The following ADAMTSL1 variants were observed in gnomAD, a reference collection of about 807,000 sequenced individuals.
ADAMTSL1 encodes the protein ADAMTS-like protein 1.
ADAMTSL1 carries 126 observed loss-of-function variants against 201.8 expected under a neutral mutation model. That is an observed-to-expected ratio of 0.62 (90% CI 0.54 to 0.72). The LOEUF (loss-of-function observed/expected upper bound fraction) is 0.72. Among genes scored for constraint, ADAMTSL1 ranks in the 30% least tolerant of loss-of-function variants. The pLI is 0.00. For missense variants in ADAMTSL1, 2,679 were observed against 2,277.8 expected, an observed-to-expected ratio of 1.18 and a Z score of -3.59; for synonymous variants, 1,121 against 903.4, an observed-to-expected ratio of 1.24 and a Z score of -4.32.
chr9:18,090,585 C>G (rs568683242), intron 1 of ADAMTSL1, among the ~76,000 whole-genome samples: 15 of 152,114 alleles, frequency 9.9e-5, no homozygotes, highest in African/African-American at 3.6e-4. Flanking sequence ...TTGCCAGAGG[C>G]TTGGAGGAGA....
intron 1 of ADAMTSL1, among the ~76,000 whole-genome samples, chr9:17,965,899 G>C (rs1817963084): frequency 6.6e-6 from 1 of 152,148 alleles, no homozygotes; most frequent in East Asian, 1.9e-4. Flanking sequence ...CTTTTTTGCT[G>C]ATGATGGCAC....
chr9:18,431,013 G>A (rs10511653), intron 2 of ADAMTSL1, among the ~76,000 whole-genome samples: 2,652 of 152,264 alleles, frequency 0.017, 66 homozygotes, highest in African/African-American at 0.054. Flanking sequence ...CTGCCCAGAT[G>A]CGTACACTAA....
In ADAMTSL1 at chr9:18,712,750, G is replaced by A. The variant is rs574710466; in HGVS notation, c.1876+5702G>A. ...TTCAGATTCAGGAAATACAGAGAACGCCACAAAGATACTCCTCGAGAAGAA... is the reference window on the plus strand; with the variant it reads ...TTCAGATTCAGGAAATACAGAGAACACCACAAAGATACTCCTCGAGAAGAA... On this transcript the variant is annotated intron_variant, in intron 14 of 28. Transcript: ENST00000380548. Among the ~76,000 whole-genome samples the A allele has an allele frequency of 5.9e-4, 89 of 151,902 alleles. 1 individual carries two copies. The South Asian group carries it at 9.2e-3, about 16-fold the overall frequency.
chr9:18,429,893 G>A (rs1436055496), intron 2 of ADAMTSL1, among the ~76,000 whole-genome samples: 3 of 151,910 alleles, frequency 2.0e-5, no homozygotes, highest in African/African-American at 2.4e-5. Flanking sequence ...GGGTTCAAGC[G>A]ATTCTCCTAC....
intron 1 of ADAMTSL1, among the ~76,000 whole-genome samples, chr9:18,138,085 G>T (rs922192882): frequency 2.6e-5 from 4 of 152,100 alleles, no homozygotes; most frequent in East Asian, 3.9e-4. Flanking sequence ...CTTGCTGGCC[G>T]CATGTTCTTC....
intron 4 of ADAMTSL1, among the ~76,000 whole-genome samples, chr9:18,604,494 G>A (rs1455249875): frequency 1.3e-5 from 2 of 152,092 alleles, no homozygotes; most frequent in African/African-American, 2.4e-5. Context: ...GGGGTGCCTA[G>A]TATAATGAAA....
intron 1 of ADAMTSL1, among the ~76,000 whole-genome samples, chr9:18,117,866 C>T (rs1022575271): frequency 1.3e-5 from 2 of 152,122 alleles, no homozygotes; most frequent in Non-Finnish European, 2.9e-5. Flanking sequence ...AGCTACCTTG[C>T]TTCTCCATTC....
intron 11 of ADAMTSL1, chr9:18,680,884 A>T (rs1366875599): frequency 7.3e-6 from 2 of 274,404 alleles, no homozygotes; most frequent in African/African-American, 4.4e-5. Context: ...TTCATTTTGT[A>T]TGTATTATGC....
chr9:18,843,444 C>G (rs28822522), intron 23 of ADAMTSL1, among the ~76,000 whole-genome samples: 14,134 of 150,814 alleles, frequency 0.094, 989 homozygotes, highest in East Asian at 0.22. Context: ...GTAACCCGAC[C>G]TTTCTCTCTG....
At chr9:18,373,947 C>T (rs1330944466) in intron 2 of ADAMTSL1, among the ~76,000 whole-genome samples, 2 of 152,136 alleles carry the variant, frequency 1.3e-5, no homozygotes, top group African/African-American at 2.4e-5. Context: ...TGATAGTAGC[C>T]AGCATGTATT....
At chr9:17,965,101 G>A (rs1001982550) in intron 1 of ADAMTSL1, among the ~76,000 whole-genome samples, 2 of 152,012 alleles carry the variant, frequency 1.3e-5, no homozygotes, top group Admixed American at 6.6e-5. Context: ...ACATATAATG[G>A]ACAACCTGGA....
chr9:18,494,347 C>CAA (rs141208426), intron 1 of ADAMTSL1, among the ~76,000 whole-genome samples: 12 of 80,476 alleles, frequency 1.5e-4, no homozygotes, highest in Admixed American at 4.4e-4. Context: ...CAGACTGTCT[C>CAA]AAAAAAAAAA....
At chr9:18,813,379 A>C (rs772421869) in intron 20 of ADAMTSL1, among the ~76,000 whole-genome samples, 3 of 152,160 alleles carry the variant, frequency 2.0e-5, no homozygotes, top group Admixed American at 6.5e-5. Context: ...TTGTATTTTC[A>C]CAGGGATTGC....
intron 1 of ADAMTSL1, among the ~76,000 whole-genome samples, chr9:18,057,140 G>A (rs554528276): frequency 2.0e-5 from 3 of 152,246 alleles, no homozygotes; most frequent in African/African-American, 7.2e-5. Flanking sequence ...GCAGGTAGCG[G>A]TTTTTCTAGT....
chr9:18,563,436 A>G (rs2132293994), intron 3 of ADAMTSL1, among the ~76,000 whole-genome samples: 1 of 152,186 alleles, frequency 6.6e-6, no homozygotes, highest in East Asian at 1.9e-4. Context: ...CTCCTATATG[A>G]GGTGTCTGTT....
chr9:18,481,457 A>G (rs890483734), intron 1 of ADAMTSL1, among the ~76,000 whole-genome samples: 1 of 152,168 alleles, frequency 6.6e-6, no homozygotes, highest in Non-Finnish European at 1.5e-5. Context: ...CACAATCTCT[A>G]CAGTGAAGAG....
intron 3 of ADAMTSL1, among the ~76,000 whole-genome samples, chr9:18,539,676 G>A (rs1820007508): frequency 6.6e-6 from 1 of 152,152 alleles, no homozygotes; most frequent in Admixed American, 6.5e-5. Context: ...CATGGAATAG[G>A]AAACAAGAAT....
chr9:18,813,733 T>C (rs1480981042), intron 20 of ADAMTSL1, among the ~76,000 whole-genome samples: 1 of 152,222 alleles, frequency 6.6e-6, no homozygotes, highest in East Asian at 1.9e-4. Context: ...GGGTTTTCTA[T>C]ATATGAGATC....
At chr9:18,283,916 T>A (rs1181390476) in intron 2 of ADAMTSL1, among the ~76,000 whole-genome samples, 6 of 26,618 alleles carry the variant, frequency 2.3e-4, no homozygotes, top group South Asian at 2.3e-3. Context: ...AGACTCCGTC[T>A]AAAAAAAAAA....
Sources: gnomAD v4.1 joint callset for allele counts (sites outside exome capture counted in the v4.1 genomes callset) on GRCh38, gnomAD v4.1.1 for gene constraint, MANE v1.5 for transcripts, NCBI Gene and HGNC (gene_info 2026-07-23, HGNC 2026-07-21) for gene names.